Variants in ROBO2 observed in about 807,000 individuals in gnomAD.
The protein encoded by ROBO2 is roundabout homolog 2.
Under a neutral mutation model 160.8 loss-of-function variants are expected in ROBO2, and 53 were observed. That is an observed-to-expected ratio of 0.33 (90% CI 0.26 to 0.41). The LOEUF (loss-of-function observed/expected upper bound fraction) is 0.41, where lower values mean the gene tolerates loss of function less well. Ranked by LOEUF, ROBO2 falls within the 10% of genes least tolerant of loss-of-function variation. ROBO2 has a pLI of 1.00. For missense variants in ROBO2, 1,577 were observed against 1,722.4 expected (o/e 0.92, Z 1.49); for synonymous variants, 664 against 611.7 (o/e 1.09, Z -1.26).
intron 2 of ROBO2, among the ~76,000 whole-genome samples, chr3:76,912,821 G>A (rs2076072414): frequency 6.7e-6 from 1 of 148,932 alleles, no homozygotes; most frequent in Admixed American, 6.6e-5. Context: ...GTTTTTGTCT[G>A]AATTTGGAGA....
rs559765450 is a variant in ROBO2 at position 76,721,982 on chromosome 3, G to T, written c.110-376032G>T. 3.9e-5 allele frequency among the ~76,000 whole-genome samples: 6 copies of T among 152,274 alleles called. No homozygotes were observed. In the East Asian group the frequency reaches 1.2e-3, roughly 29 times the overall value. On this transcript the variant is annotated intron_variant, in intron 2 of 26. Coordinates refer to the ROBO2 transcript ENST00000487694. ...CTGCTGTCTGCCATGAAGAAATCAG[G>T]TTTAAGTGATTTGAAAAGACTTAGG...
chr3:76,845,080 T>C (rs2068651258), intron 2 of ROBO2, among the ~76,000 whole-genome samples: 1 of 151,890 alleles, frequency 6.6e-6, no homozygotes, highest in South Asian at 2.1e-4. Context: ...AATCAAAGAT[T>C]TTACAACCTA....
At chr3:77,239,459 T>C (rs1216065636) in intron 2 of ROBO2, among the ~76,000 whole-genome samples, 1 of 152,068 alleles carries the variant, frequency 6.6e-6, no homozygotes, top group East Asian at 1.9e-4. Flanking sequence ...AGCAGCAAGA[T>C]TTATTGCAAA....
chr3:76,393,638 C>T (rs1191759792), intron 2 of ROBO2, among the ~76,000 whole-genome samples: 3 of 152,048 alleles, frequency 2.0e-5, no homozygotes, highest in Non-Finnish European at 4.4e-5. Flanking sequence ...GGAAGGGACA[C>T]AATAGTTGAA....
chr3:76,404,694 AAATGCAGGCGTGTGGGTTGG>A (rs1258946586), intron 2 of ROBO2, among the ~76,000 whole-genome samples: 4 of 151,586 alleles, frequency 2.6e-5, no homozygotes, highest in African/African-American at 9.7e-5. Context: ...GTAGATAAAG[AAATGCAGGCGTGTGGGTTGG>A]GAGTAGCTAT....
At chr3:76,950,200 A>G (rs562038516) in intron 2 of ROBO2, among the ~76,000 whole-genome samples, 2 of 152,144 alleles carry the variant, frequency 1.3e-5, no homozygotes, top group Non-Finnish European at 2.9e-5. Flanking sequence ...TTTTCATGTC[A>G]ATATTTGTTC....
At chr3:76,687,713 T>G (rs1200141583) in intron 2 of ROBO2, among the ~76,000 whole-genome samples, 2 of 152,002 alleles carry the variant, frequency 1.3e-5, no homozygotes, top group Admixed American at 1.3e-4. Context: ...TAACACAAGT[T>G]TTGGCAACAC....
At chr3:77,231,729 A>G (rs998381633) in intron 2 of ROBO2, among the ~76,000 whole-genome samples, 5 of 151,788 alleles carry the variant, frequency 3.3e-5, no homozygotes, top group African/African-American at 1.2e-4. Flanking sequence ...CCTTCTCTGG[A>G]GTGTTATTTT....
intron 2 of ROBO2, among the ~76,000 whole-genome samples, chr3:76,775,830 T>G (rs1331816722): frequency 6.6e-6 from 1 of 150,824 alleles, no homozygotes; most frequent in Non-Finnish European, 1.5e-5. Context: ...TGGAATAAAA[T>G]TTTTAATTAT....
chr3:76,993,967 A>T (rs1377523309), intron 2 of ROBO2, among the ~76,000 whole-genome samples: 2 of 152,130 alleles, frequency 1.3e-5, no homozygotes, highest in African/African-American at 4.8e-5. Flanking sequence ...CATTACTGAA[A>T]TATGTCTCTG....
intron 2 of ROBO2, among the ~76,000 whole-genome samples, chr3:77,367,780 G>A (rs1300922317): frequency 1.3e-5 from 2 of 152,098 alleles, no homozygotes; most frequent in African/African-American, 4.8e-5. Context: ...CTGCTATAAT[G>A]TTAACTCTTA....
chr3:76,127,440 T>C (rs888291189), intron 2 of ROBO2, among the ~76,000 whole-genome samples: 36 of 152,092 alleles, frequency 2.4e-4, no homozygotes, highest in Non-Finnish European at 4.3e-4. Flanking sequence ...TAGGATAGAA[T>C]ATAACTATTA....
chr3:77,316,852 AG>A (rs1336593099), intron 2 of ROBO2: 2 of 1,216,672 alleles, frequency 1.6e-6, no homozygotes, highest in Non-Finnish European at 2.4e-6. Context: ...ACCTGGCTGC[AG>A]GGTCTGAGTG....
intron 1 of ROBO2, among the ~76,000 whole-genome samples, chr3:75,925,988 TAAAC>T (rs1338140806): frequency 1.3e-5 from 2 of 152,252 alleles, no homozygotes; most frequent in Non-Finnish European, 2.9e-5. Flanking sequence ...TTCCTTTTGA[TAAAC>T]AACGTGTAGT....
At chr3:77,591,079 A>G (rs1359545225) in intron 17 of ROBO2, among the ~76,000 whole-genome samples, 1 of 152,162 alleles carries the variant, frequency 6.6e-6, no homozygotes, top group Non-Finnish European at 1.5e-5. Flanking sequence ...TAAACAATTT[A>G]ATATGAGTGA....
At chr3:77,180,162 T>G (rs1256900837) in intron 2 of ROBO2, among the ~76,000 whole-genome samples, 1 of 151,998 alleles carries the variant, frequency 6.6e-6, no homozygotes, top group African/African-American at 2.4e-5. Context: ...TAAAAACACT[T>G]GTAAGTGGTA....
chr3:76,029,671 C>A (rs1056882063), intron 2 of ROBO2, among the ~76,000 whole-genome samples: 1 of 152,154 alleles, frequency 6.6e-6, no homozygotes, highest in Non-Finnish European at 1.5e-5. Context: ...CCAGCTTCAT[C>A]CATGTCCCTA....
chr3:75,928,981 G>A lies in ROBO2; in HGVS notation c.-13-8500G>A, dbSNP rs187145246. On this transcript the variant is annotated intron_variant, in intron 1 of 26. Coordinates refer to the ROBO2 transcript ENST00000487694. ...AGATGTGCAGCTGGATAAGACGTAC[G>A]TGTGTGTGTGTGTGTGTGTGATAGC... 7.3e-4 allele frequency among the ~76,000 whole-genome samples: 35 copies of A among 48,014 alleles called. 10 individuals are homozygous for A. Among genetic ancestry groups the A allele is most frequent in the African/African-American group, 1.6e-3 (35 of 21,624 alleles). 31.5% of individuals were successfully genotyped at this position (48,014 alleles called of 152,430 possible). A position where few individuals can be genotyped will look rare whatever the true frequency, so the allele number is the denominator to read the frequency against.
intron 2 of ROBO2, among the ~76,000 whole-genome samples, chr3:77,161,332 A>C (rs890309475): frequency 6.6e-6 from 1 of 152,220 alleles, no homozygotes; most frequent in South Asian, 2.1e-4. Flanking sequence ...ATATGGGACT[A>C]TTCAAATATA....
Sources: gnomAD v4.1 joint callset for allele counts (sites outside exome capture counted in the v4.1 genomes callset) on GRCh38, gnomAD v4.1.1 for gene constraint, MANE v1.5 for transcripts, NCBI Gene and HGNC (gene_info 2026-07-23, HGNC 2026-07-21) for gene names.